The following STK32B variants were observed in gnomAD, a reference collection of about 807,000 sequenced individuals.
STK32B encodes the protein serine/threonine-protein kinase 32B.
A neutral mutation model predicts 52.6 loss-of-function variants in STK32B; 43 were observed. The observed-to-expected ratio is 0.82, with a 90% CI of 0.64 to 1.05. The LOEUF (loss-of-function observed/expected upper bound fraction) is 1.05. Among genes scored for constraint, STK32B ranks in the 50% least tolerant of loss-of-function variants. The pLI is 0.00. For synonymous variants in STK32B, 238 were observed against 204.3 expected (o/e 1.17, Z -1.41); for missense variants, 621 against 534.6 (o/e 1.16, Z -1.59).
intron 6 of STK32B, among the ~76,000 whole-genome samples, chr4:5,442,480 T>C (rs1473094510): frequency 2.0e-5 from 3 of 151,150 alleles, no homozygotes; most frequent in African/African-American, 7.3e-5. Context: ...CATCCTTTTA[T>C]TTTGAGCCTA....
chr4:5,370,720 T>C (rs4689213), intron 4 of STK32B, among the ~76,000 whole-genome samples: 55,585 of 151,986 alleles, frequency 0.37, 12,570 homozygotes, highest in African/African-American at 0.64. Context: ...CAGCCGGGCA[T>C]AGTGGCTCAT....
chr4:5,315,259 A>G (rs1730588827), intron 3 of STK32B, among the ~76,000 whole-genome samples: 1 of 152,224 alleles, frequency 6.6e-6, no homozygotes, highest in Admixed American at 6.5e-5. Flanking sequence ...ATTAGCCATT[A>G]GGGAAATGCA....
chr4:5,329,780 A>C (rs1384681614), intron 3 of STK32B, among the ~76,000 whole-genome samples: 1 of 152,202 alleles, frequency 6.6e-6, no homozygotes, highest in Non-Finnish European at 1.5e-5. Context: ...ATTCTGAACA[A>C]TTATGAACAA....
At chr4:5,332,315 G>T (rs1283965823) in intron 4 of STK32B, among the ~76,000 whole-genome samples, 1 of 152,074 alleles carries the variant, frequency 6.6e-6, no homozygotes, top group Non-Finnish European at 1.5e-5. Flanking sequence ...CGATGACTTA[G>T]GAAACGGGAA....
rs188464872 is a variant in STK32B at position 5,293,252 on chromosome 4, G to A, written c.261-37968G>A. On this transcript the variant is annotated intron_variant, in intron 3 of 11. Coordinates refer to ENST00000282908, the MANE Select transcript of STK32B (RefSeq NM_018401.3). Reference sequence around the variant, plus strand: ...TTGTAAATAGTGCTGCAAAAAACATGTGTGCATGTGTCTTTATAGTAGAAT... The same window carrying A: ...TTGTAAATAGTGCTGCAAAAAACATATGTGCATGTGTCTTTATAGTAGAAT... 1.8e-3 allele frequency among the ~76,000 whole-genome samples: 279 copies of A among 151,766 alleles called. 1 individual carries two copies. Among genetic ancestry groups the A allele is most frequent in the African/African-American group, 6.4e-3 (267 of 41,490 alleles).
At chr4:5,406,335 A>G (rs967562326) in intron 5 of STK32B, among the ~76,000 whole-genome samples, 4 of 152,094 alleles carry the variant, frequency 2.6e-5, no homozygotes, top group Non-Finnish European at 4.4e-5. Flanking sequence ...TGGCTTTTCT[A>G]GGTGCACGGT....
At chr4:5,133,967 G>T (rs949962640) in intron 1 of STK32B, among the ~76,000 whole-genome samples, 1 of 152,184 alleles carries the variant, frequency 6.6e-6, no homozygotes, top group African/African-American at 2.4e-5. Flanking sequence ...TTAAAACTTT[G>T]TTTAAACCTT....
chr4:5,285,094 A>T (rs1280044289), intron 3 of STK32B, among the ~76,000 whole-genome samples: 1 of 152,228 alleles, frequency 6.6e-6, no homozygotes, highest in African/African-American at 2.4e-5. Flanking sequence ...TAAGATTGTC[A>T]TAATAGCATT....
intron 3 of STK32B, among the ~76,000 whole-genome samples, chr4:5,239,300 TG>T (rs1021609945): frequency 1.3e-5 from 2 of 152,028 alleles, no homozygotes; most frequent in African/African-American, 4.8e-5. Context: ...AAATAATGCA[TG>T]GGTGGGAGTG....
At chr4:5,095,237 C>G (rs1298707302) in intron 1 of STK32B, among the ~76,000 whole-genome samples, 1 of 152,142 alleles carries the variant, frequency 6.6e-6, no homozygotes, top group Non-Finnish European at 1.5e-5. Flanking sequence ...CTCCACATGT[C>G]AGGCTGGTGG....
intron 3 of STK32B, among the ~76,000 whole-genome samples, chr4:5,282,908 A>G (rs1457472426): frequency 6.6e-6 from 1 of 152,154 alleles, no homozygotes; most frequent in Admixed American, 6.6e-5. Flanking sequence ...ACCACAGTTG[A>G]CCGTGGGTAA....
At chr4:5,028,512 A>G in the STK32B span, among the ~76,000 whole-genome samples, 1 of 152,234 alleles carries the variant, frequency 6.6e-6, no homozygotes, top group Non-Finnish European at 1.5e-5. Context: ...CAGCAGCTGT[A>G]AGAGCCTGTG....
chr4:5,269,587 G>T (rs1440010677), intron 3 of STK32B, among the ~76,000 whole-genome samples: 1 of 152,128 alleles, frequency 6.6e-6, no homozygotes, highest in Non-Finnish European at 1.5e-5. Flanking sequence ...CGGTTAAGTG[G>T]TTATTATAAC....
chr4:5,192,827 G>T (rs1488700904), intron 3 of STK32B, among the ~76,000 whole-genome samples: 2 of 152,260 alleles, frequency 1.3e-5, no homozygotes, highest in East Asian at 3.9e-4. Context: ...CAGGGCCGCC[G>T]CCTCCTGTAA....
chr4:5,375,194 C>G (rs976169686), intron 4 of STK32B, among the ~76,000 whole-genome samples: 1 of 152,118 alleles, frequency 6.6e-6, no homozygotes, highest in Non-Finnish European at 1.5e-5. Context: ...TGTCCAGCCT[C>G]GTCCCCCACT....
intron 5 of STK32B, among the ~76,000 whole-genome samples, chr4:5,412,426 G>C (rs1183409284): frequency 6.6e-6 from 1 of 152,188 alleles, no homozygotes. Flanking sequence ...AGCAGAAGTG[G>C]AATCCTGCTG....
At chr4:5,198,602 A>G (rs974575936) in intron 3 of STK32B, among the ~76,000 whole-genome samples, 3 of 151,954 alleles carry the variant, frequency 2.0e-5, no homozygotes, top group African/African-American at 7.3e-5. Context: ...GACCCCTCTC[A>G]CTCTCTCTGC....
chr4:5,229,195 C>T (rs1429276877), intron 3 of STK32B, among the ~76,000 whole-genome samples: 1 of 148,908 alleles, frequency 6.7e-6, no homozygotes, highest in African/African-American at 2.5e-5. Context: ...CTGCAAAGAA[C>T]AATAAAATGA....
chr4:5,159,350 G>T (rs1224826472), intron 2 of STK32B, among the ~76,000 whole-genome samples: 1 of 151,674 alleles, frequency 6.6e-6, no homozygotes, highest in Admixed American at 6.6e-5. Flanking sequence ...CCCTAGGCTG[G>T]TAGGAAGTTG....
Sources: gnomAD v4.1 joint callset for allele counts (sites outside exome capture counted in the v4.1 genomes callset) on GRCh38, gnomAD v4.1.1 for gene constraint, MANE v1.5 for transcripts, NCBI Gene and HGNC (gene_info 2026-07-23, HGNC 2026-07-21) for gene names.